The following MCF2L2 variants were observed in gnomAD, a reference collection of about 807,000 sequenced individuals.
MCF2L2 encodes the protein MCF.2 cell line derived transforming sequence-like 2.
MCF2L2 carries 102 observed loss-of-function variants against 150.2 expected under a neutral mutation model. The observed-to-expected ratio is 0.68, with a 90% CI of 0.58 to 0.80. The LOEUF is 0.80. MCF2L2 is among the 30% of genes least tolerant of loss of function. The pLI is 0.00. For synonymous variants in MCF2L2, 465 were observed against 491.3 expected (o/e 0.95, Z 0.71); for missense variants, 1,256 against 1,372.8 (o/e 0.91, Z 1.34).
chr3:183,192,708 G>A, intron 27 of MCF2L2: 1 of 322,444 alleles, frequency 3.1e-6, no homozygotes. Context: ...TATTTGGACA[G>A]CAGTTGACTA....
chr3:183,313,505 G>A (rs1211421998), intron 7 of MCF2L2, among the ~76,000 whole-genome samples: 4 of 152,194 alleles, frequency 2.6e-5, no homozygotes, highest in Non-Finnish European at 5.9e-5. Context: ...CCTGGTGACT[G>A]CTTTGGGATT....
At chr3:183,359,738 A>G (rs1225223647) in intron 3 of MCF2L2, among the ~76,000 whole-genome samples, 1 of 152,212 alleles carries the variant, frequency 6.6e-6, no homozygotes, top group East Asian at 1.9e-4. Context: ...TTTAGCATGA[A>G]GGGTGCCATA....
At chr3:183,259,410 G>A (rs1321110400) in intron 15 of MCF2L2, among the ~76,000 whole-genome samples, 1 of 152,148 alleles carries the variant, frequency 6.6e-6, no homozygotes, top group Non-Finnish European at 1.5e-5. Flanking sequence ...CTTATTGATA[G>A]GAGAACTTGT....
At chr3:183,337,901 A>T (rs1356676973) in intron 5 of MCF2L2, among the ~76,000 whole-genome samples, 1 of 152,226 alleles carries the variant, frequency 6.6e-6, no homozygotes, top group African/African-American at 2.4e-5. Context: ...AGTGAAATAT[A>T]AGAGTGCTTG....
At chr3:183,300,789 G>C (rs1445306135) in intron 10 of MCF2L2, among the ~76,000 whole-genome samples, 1 of 152,018 alleles carries the variant, frequency 6.6e-6, no homozygotes, top group East Asian at 1.9e-4. Flanking sequence ...GGCCGAGGTG[G>C]GCGGATCACC....
intron 1 of MCF2L2, among the ~76,000 whole-genome samples, chr3:183,407,071 C>T (rs1368641049): frequency 1.3e-5 from 2 of 152,172 alleles, no homozygotes; most frequent in Non-Finnish European, 2.9e-5. Context: ...TTGTTTTGCA[C>T]ACAGATGTCT....
At chr3:183,360,627 C>G (rs1409717403) in intron 3 of MCF2L2, among the ~76,000 whole-genome samples, 1 of 151,916 alleles carries the variant, frequency 6.6e-6, no homozygotes, top group East Asian at 1.9e-4. Context: ...CCACTTCTTC[C>G]TGTGCCTTCA....
intron 15 of MCF2L2, among the ~76,000 whole-genome samples, chr3:183,238,161 A>C (rs926662912): frequency 4.6e-5 from 7 of 151,992 alleles, no homozygotes; most frequent in Admixed American, 6.6e-5. Context: ...TATTATTCTA[A>C]AGCAAGCTTG....
At chr3:183,386,678 T>G (rs1713848838) in intron 2 of MCF2L2, among the ~76,000 whole-genome samples, 1 of 152,224 alleles carries the variant, frequency 6.6e-6, no homozygotes, top group Admixed American at 6.5e-5. Context: ...GAAGCTGCTA[T>G]GAGTTGAGGC....
intron 20 of MCF2L2, among the ~76,000 whole-genome samples, chr3:183,220,942 C>A (rs1723127254): frequency 6.6e-6 from 1 of 152,168 alleles, no homozygotes; most frequent in Non-Finnish European, 1.5e-5. Flanking sequence ...TTTCATGAGT[C>A]TGTCTTTAAT....
In MCF2L2 at chr3:183,361,925, T is replaced by C. The variant is rs141264840; in HGVS notation, c.275+17372A>G. The stretch of plus-strand genomic sequence containing the variant: ...CTTTGCTTTCTGATGGATCAATGTA[T>C]ACAAACTCTGTTTCATGCACAAAAT... On this transcript the variant is annotated intron_variant, in intron 3 of 29. Coordinates refer to ENST00000328913, the MANE Select transcript of MCF2L2 (RefSeq NM_015078.4). 1.4e-4 allele frequency among the ~76,000 whole-genome samples: 22 copies of C among 152,336 alleles called. No homozygotes were observed. In the East Asian group the frequency reaches 4.1e-3, roughly 28 times the overall value.
intron 15 of MCF2L2, among the ~76,000 whole-genome samples, chr3:183,242,436 C>T (rs1456356440): frequency 6.6e-6 from 1 of 152,222 alleles, no homozygotes; most frequent in Non-Finnish European, 1.5e-5. Context: ...TCTATGCAGT[C>T]TAGGGACTTG....
intron 1 of MCF2L2, among the ~76,000 whole-genome samples, chr3:183,422,560 A>G (rs1715936784): frequency 6.6e-6 from 1 of 152,190 alleles, no homozygotes; most frequent in Non-Finnish European, 1.5e-5. Context: ...CTGACCTCTC[A>G]GCTGTAGGCT....
At chr3:183,316,881 T>C (rs1729625833) in intron 7 of MCF2L2, among the ~76,000 whole-genome samples, 2 of 151,424 alleles carry the variant, frequency 1.3e-5, no homozygotes, top group Admixed American at 6.6e-5. Flanking sequence ...AATTTTTATA[T>C]TTTTAGTAGA....
intron 3 of MCF2L2, among the ~76,000 whole-genome samples, chr3:183,366,559 C>T (rs747787447): frequency 9.2e-5 from 14 of 152,084 alleles, no homozygotes; most frequent in African/African-American, 2.7e-4. Flanking sequence ...GCAGGAGAAT[C>T]GCTGGAACCC....
At chr3:183,206,271 G>T in intron 23 of MCF2L2, 57 bp from the exon 24 acceptor site, 1 of 1,229,082 alleles carries the variant, frequency 8.1e-7, no homozygotes, top group South Asian at 1.2e-5. Context: ...TTTTAAAATA[G>T]TCCCTGTCAA....
chr3:183,296,230 C>G (rs1270473031), intron 12 of MCF2L2: 2 of 152,386 alleles, frequency 1.3e-5, no homozygotes, highest in Non-Finnish European at 2.9e-5. Flanking sequence ...TACCTACAAC[C>G]CTGCTGGCTT....
chr3:183,223,235 A>G (rs1479910034), intron 20 of MCF2L2, 111 bp downstream of exon 20: 1 of 740,698 alleles, frequency 1.4e-6, no homozygotes, highest in Non-Finnish European at 2.3e-6. Flanking sequence ...GGATAGACGT[A>G]TCTTCAGCCT....
chr3:183,262,380 G>GT (rs1397749450), intron 15 of MCF2L2, among the ~76,000 whole-genome samples: 1 of 152,152 alleles, frequency 6.6e-6, no homozygotes, highest in Admixed American at 6.5e-5. Context: ...AGGCAGGGCT[G>GT]TATAAGTGCA....
Sources: allele counts gnomAD v4.1 joint callset (sites outside exome capture counted in the v4.1 genomes callset), GRCh38; gene constraint gnomAD v4.1.1; transcripts MANE v1.5; gene names NCBI Gene and HGNC (gene_info 2026-07-23, HGNC 2026-07-21).